The following TXLNB variants were observed in gnomAD, a reference collection of about 807,000 sequenced individuals.
TXLNB encodes the protein beta-taxilin.
In TXLNB, 37 loss-of-function variants were observed where a neutral mutation model predicts 57.4. That is an observed-to-expected ratio of 0.64 (90% confidence interval 0.50 to 0.85). TXLNB has a LOEUF of 0.85. TXLNB is among the 40% of genes least tolerant of loss of function. TXLNB has a pLI of 0.00. For synonymous variants in TXLNB, 302 were observed against 309.6 expected, an observed-to-expected ratio of 0.98 and a Z score of 0.26; for missense variants, 848 against 825.6, an observed-to-expected ratio of 1.03 and a Z score of -0.33.
the TXLNB span, among the ~76,000 whole-genome samples, chr6:139,225,087 A>G: frequency 1.3e-5 from 2 of 152,280 alleles, no homozygotes; most frequent in South Asian, 4.1e-4. Flanking sequence ...AAAAATCATG[A>G]TTATCTAAAT....
intron 4 of TXLNB, among the ~76,000 whole-genome samples, chr6:139,267,779 A>G (rs1017783560): frequency 1.3e-5 from 2 of 152,208 alleles, no homozygotes; most frequent in African/African-American, 4.8e-5. Context: ...AATGGATGAA[A>G]AGAGATACAC....
chr6:139,311,233 T>G, the TXLNB span, among the ~76,000 whole-genome samples: 1 of 152,312 alleles, frequency 6.6e-6, no homozygotes, highest in South Asian at 2.1e-4. Context: ...TTTTGACATC[T>G]TGATCAGTGG....
the TXLNB span, among the ~76,000 whole-genome samples, chr6:139,191,922 T>A: frequency 1.7e-4 from 26 of 152,290 alleles, no homozygotes; most frequent in East Asian, 4.6e-3. Context: ...AAGCTGGAGT[T>A]CCTAACATCC....
the TXLNB span, among the ~76,000 whole-genome samples, chr6:139,301,428 G>T: frequency 6.6e-6 from 1 of 152,250 alleles, no homozygotes; most frequent in East Asian, 1.9e-4. Context: ...GTGTGAGTAA[G>T]CCTCTGCAAC....
the TXLNB span, among the ~76,000 whole-genome samples, chr6:139,181,430 T>A: frequency 2.0e-5 from 3 of 152,186 alleles, no homozygotes; most frequent in Admixed American, 6.5e-5. Context: ...AGGCGAATCA[T>A]CCCTTTGTCC....
At position 139,262,606 on chromosome 6, in the gene TXLNB, G is replaced by A; in HGVS notation, c.855C>T (p.Ile285=). Residue 285 remains isoleucine (I), a synonymous_variant, in exon 5 of 10, where the codon ATC becomes ATT. Transcript: ENST00000358430. The part of the protein sequence containing the change: ...NTELAEKLKS[I]IDQYELREEH... ...CCTCTCTGAGCTCATACTGATCGAT[G>A]ATGCTTTTCAGCTTTTCTGCAAGCT... 2.5e-6 allele frequency: 4 copies of A among 1,614,062 alleles called. No homozygotes were observed. Among genetic ancestry groups the A allele is most frequent in the Non-Finnish European group, 3.4e-6 (4 of 1,179,988 alleles).
the TXLNB span, among the ~76,000 whole-genome samples, chr6:139,196,364 G>GTTTTTTTTTTTTTTTTTTTTTTTTT: frequency 1.5e-4 from 13 of 86,770 alleles, 6 homozygotes; most frequent in African/African-American, 4.6e-4. Context: ...CTCCAGATCT[G>GTTTTTTTTTTTTTTTTTTTTTTTTT]GTTTTTTTTT....
At chr6:139,319,533 A>G in the TXLNB span, among the ~76,000 whole-genome samples, 943 of 152,030 alleles carry the variant, frequency 6.2e-3, 8 homozygotes, top group African/African-American at 0.022. Flanking sequence ...ACACCCCAGC[A>G]CTTTGGGAGG....
At chr6:139,174,667 G>A in the TXLNB span, 1 of 1,335,984 alleles carries the variant, frequency 7.5e-7, no homozygotes, top group Admixed American at 2.6e-5. Context: ...GTTACTACTT[G>A]TAATGTAGTC....
the TXLNB span, chr6:139,177,081 C>T: frequency 1.2e-6 from 1 of 860,458 alleles, no homozygotes; most frequent in African/African-American, 1.6e-5. The surrounding 1 kb of genome is among the most constrained non-coding windows in gnomAD (Gnocchi z 4.9). Context: ...CATTTTCCTC[C>T]TTCAAAGTTC....
intron 7 of TXLNB, among the ~76,000 whole-genome samples, chr6:139,250,862 A>G (rs192783561): frequency 6.6e-6 from 1 of 152,288 alleles, no homozygotes. Flanking sequence ...CAGGCATTAA[A>G]AGCCCTCAGG....
chr6:139,193,972 G>C, the TXLNB span, among the ~76,000 whole-genome samples: 3 of 150,288 alleles, frequency 2.0e-5, no homozygotes, highest in East Asian at 3.9e-4. Flanking sequence ...CTCCCGAGTA[G>C]CTGGGACTAC....
At chr6:139,253,432 G>C (rs1218119579) in intron 7 of TXLNB, among the ~76,000 whole-genome samples, 1 of 152,182 alleles carries the variant, frequency 6.6e-6, no homozygotes, top group Non-Finnish European at 1.5e-5. Context: ...ACGCTGAAAA[G>C]TCATAGGCCT....
chr6:139,247,847 C>T lies in TXLNB; in HGVS notation c.1140G>A (p.Val380=), dbSNP rs745889194. 1 of 1,605,902 alleles carries T rather than the reference C, an allele frequency of 6.2e-7. No individual in the cohort carries two copies. Among genetic ancestry groups the T allele is most frequent in the Non-Finnish European group, 8.5e-7 (1 of 1,176,020 alleles). ...CCATTTCCTGTTTGAACGTGGCAAACACCTCGTTGCTTTTAGTTAGTGTGC... is the reference window on the plus strand; with the variant it reads ...CCATTTCCTGTTTGAACGTGGCAAATACCTCGTTGCTTTTAGTTAGTGTGC... The part of the protein sequence containing the change: ...FQSTLTKSNE[V]FATFKQEMDK... The change falls in exon 8 of 10, where the codon GTG becomes GTA. Residue 380 remains valine (V), a synonymous_variant. Transcript: ENST00000358430.
rs201982812 is a variant in TXLNB, at chr6:139,276,827, T to C, written c.516+3A>G. On this transcript the variant is annotated splice_donor_region_variant and intron_variant, in intron 3 of 9. Transcript: ENST00000358430. ...GAGAAAAGAAGCTAATCCAAGATCTTACCAATTCAGCATACTTCTTGAATA... is the reference window on the plus strand; with the variant it reads ...GAGAAAAGAAGCTAATCCAAGATCTCACCAATTCAGCATACTTCTTGAATA... 134 of 1,605,352 alleles carry C rather than the reference T, an allele frequency of 8.3e-5. No individual in the cohort carries two copies. The highest frequency in any genetic ancestry group is 1.1e-4 in the Non-Finnish European group (130 of 1,176,546).
At chr6:139,243,541 A>C (rs921456179) in intron 9 of TXLNB, among the ~76,000 whole-genome samples, 2 of 128,120 alleles carry the variant, frequency 1.6e-5, no homozygotes, top group African/African-American at 6.4e-5. Context: ...TAGATTCTTT[A>C]ATCACCATAC....
chr6:139,302,193 T>A, the TXLNB span, among the ~76,000 whole-genome samples: 1 of 152,072 alleles, frequency 6.6e-6, no homozygotes, highest in South Asian at 2.1e-4. Flanking sequence ...AAGCTGTTTT[T>A]AAAAATATGT....
the TXLNB span, among the ~76,000 whole-genome samples, chr6:139,202,358 ATTT>A: frequency 2.8e-5 from 4 of 143,104 alleles, no homozygotes; most frequent in African/African-American, 7.7e-5. Flanking sequence ...TCTCTTTTAT[ATTT>A]TATTTTTATT....
At position 139,240,263 on chromosome 6, in the gene TXLNB, A is replaced by T. The variant is rs947614455; in HGVS notation, c.*2263T>A. ...GTAAGGCTAAATTTTAACACAAAGG[A>T]CTATAATAAAACATTCTTTGAATAT... On this transcript the variant is annotated 3_prime_UTR_variant, in exon 10 of 10. Coordinates refer to ENST00000358430, the MANE Select transcript of TXLNB (RefSeq NM_153235.4). 7.2e-5 allele frequency: 11 copies of T among 152,764 alleles called. No individual in the cohort carries two copies. The highest frequency in any genetic ancestry group is 7.2e-4 in the Admixed American group (11 of 15,308). 9.5% of individuals were successfully genotyped at this position (152,764 alleles called of 1,614,324 possible). A position where few individuals can be genotyped will look rare whatever the true frequency, so the allele number is the denominator to read the frequency against.
Sources: allele counts gnomAD v4.1 joint callset (sites outside exome capture counted in the v4.1 genomes callset), GRCh38; gene constraint gnomAD v4.1.1; non-coding constraint Gnocchi (gnomAD v3.1); transcripts MANE v1.5; gene names NCBI Gene and HGNC (gene_info 2026-07-23, HGNC 2026-07-21).